STPG2: variants seen among roughly 807,000 people sequenced by gnomAD.
STPG2 encodes sperm-tail PG-rich repeat-containing protein 2.
In STPG2, 56 loss-of-function variants were observed where a neutral mutation model predicts 54.2. The observed-to-expected ratio is 1.03, with a 90% confidence interval of 0.83 to 1.29. STPG2 has a LOEUF of 1.29. STPG2 is among the 50% of genes most tolerant of loss of function. The pLI is 0.00. For missense variants in STPG2, 596 were observed against 544.9 expected (o/e 1.09, Z -0.93); for synonymous variants, 200 against 181.8 (o/e 1.10, Z -0.81).
At chr4:97,858,622 G>C (rs1729406110) in intron 8 of STPG2, among the ~76,000 whole-genome samples, 1 of 152,060 alleles carries the variant, frequency 6.6e-6, no homozygotes, top group South Asian at 2.1e-4. Flanking sequence ...TCATAGCTTA[G>C]CTTCCACTTA....
At chr4:98,018,519 T>C (rs1736050973) in intron 5 of STPG2, among the ~76,000 whole-genome samples, 1 of 152,208 alleles carries the variant, frequency 6.6e-6, no homozygotes, top group African/African-American at 2.4e-5. Context: ...TTATAATCCT[T>C]TGGGTACATA....
At chr4:98,060,141 C>A (rs1440386938) in intron 5 of STPG2, among the ~76,000 whole-genome samples, 2 of 152,190 alleles carry the variant, frequency 1.3e-5, no homozygotes, top group Non-Finnish European at 2.9e-5. Flanking sequence ...TCTTTGTTTG[C>A]AGATGACATA....
chr4:97,621,302 TG>T (rs1467642441), intron 10 of STPG2, among the ~76,000 whole-genome samples: 1 of 151,900 alleles, frequency 6.6e-6, no homozygotes, highest in Non-Finnish European at 1.5e-5. Context: ...AGAACTGAAC[TG>T]AAAGAAATTG....
At chr4:97,615,713 T>C (rs531409215) in intron 10 of STPG2, among the ~76,000 whole-genome samples, 3 of 151,964 alleles carry the variant, frequency 2.0e-5, no homozygotes, top group Non-Finnish European at 4.4e-5. Flanking sequence ...GGTTCATGAA[T>C]TTCATTATAC....
chr4:97,590,001 T>C (rs187123358), intron 10 of STPG2, among the ~76,000 whole-genome samples: 117 of 152,318 alleles, frequency 7.7e-4, no homozygotes, highest in African/African-American at 2.5e-3. Context: ...TTTCTTAGAA[T>C]GTTTGCTCAT....
intron 3 of STPG2, among the ~76,000 whole-genome samples, chr4:98,121,323 T>G (rs1739673166): frequency 6.6e-6 from 1 of 152,176 alleles, no homozygotes. Flanking sequence ...TCAGCTAGTG[T>G]GATGCCTCTA....
At chr4:97,979,152 T>C (rs1462674104) in intron 6 of STPG2, among the ~76,000 whole-genome samples, 2 of 152,194 alleles carry the variant, frequency 1.3e-5, no homozygotes, top group African/African-American at 4.8e-5. Flanking sequence ...ATAAGAATCG[T>C]ATCATCTTGG....
At chr4:97,455,387 G>A (rs1368848889) in intron 4 of STPG2, among the ~76,000 whole-genome samples, 3 of 151,994 alleles carry the variant, frequency 2.0e-5, no homozygotes, top group South Asian at 2.1e-4. Flanking sequence ...TAAAAACCCC[G>A]AGACCCTAGT....
At chr4:97,837,413 C>G (rs1202596953) in intron 9 of STPG2, among the ~76,000 whole-genome samples, 1 of 151,662 alleles carries the variant, frequency 6.6e-6, no homozygotes, top group African/African-American at 2.4e-5. Context: ...ACCCCTGCCC[C>G]CAACCCATGA....
chr4:98,127,158 G>C (rs1416756133), intron 3 of STPG2, among the ~76,000 whole-genome samples: 1 of 151,794 alleles, frequency 6.6e-6, no homozygotes, highest in Non-Finnish European at 1.5e-5. Flanking sequence ...AAAGGGAGAG[G>C]AATGAAGACA....
chr4:98,121,885 C>A (rs1038097287), intron 3 of STPG2, among the ~76,000 whole-genome samples: 1 of 152,218 alleles, frequency 6.6e-6, no homozygotes, highest in South Asian at 2.1e-4. Context: ...CCATGCCAAG[C>A]TAATTTTTGT....
intron 5 of STPG2, among the ~76,000 whole-genome samples, chr4:98,100,823 G>A (rs810700): frequency 0.44 from 67,197 of 151,326 alleles, 15,367 homozygotes; most frequent in Admixed American, 0.56. Flanking sequence ...TTACAGGCAC[G>A]TGCCACCATG....
chr4:97,924,893 A>G (rs1732277358), intron 8 of STPG2, among the ~76,000 whole-genome samples: 1 of 152,196 alleles, frequency 6.6e-6, no homozygotes, highest in South Asian at 2.1e-4. Flanking sequence ...CTACCAAACA[A>G]TGACTTGTTG....
intron 5 of STPG2, among the ~76,000 whole-genome samples, chr4:98,024,635 C>T (rs1162687464): frequency 1.3e-5 from 2 of 152,184 alleles, no homozygotes; most frequent in African/African-American, 2.4e-5. Context: ...AAAGTATCTA[C>T]ACATTTTTGT....
intron 9 of STPG2, among the ~76,000 whole-genome samples, chr4:97,796,313 C>T (rs2149084931): frequency 6.6e-6 from 1 of 152,256 alleles, no homozygotes; most frequent in Admixed American, 6.5e-5. Flanking sequence ...AGGTTTTCTT[C>T]TAGGGTTTTT....
chr4:97,740,983 C>T (rs1319126174), intron 9 of STPG2, among the ~76,000 whole-genome samples: 3 of 152,118 alleles, frequency 2.0e-5, no homozygotes, highest in Admixed American at 2.0e-4. Flanking sequence ...ACTACAGTAA[C>T]CAAAACAGCA....
intron 9 of STPG2, among the ~76,000 whole-genome samples, chr4:97,785,895 G>A (rs260899): frequency 0.58 from 88,410 of 151,648 alleles, 26,336 homozygotes; most frequent in East Asian, 0.74. Flanking sequence ...AATCAGCAGG[G>A]AGAGTAAGGA....
chr4:97,968,072 C>G (rs1431443528), intron 7 of STPG2, among the ~76,000 whole-genome samples: 1 of 152,200 alleles, frequency 6.6e-6, no homozygotes, highest in Admixed American at 6.5e-5. Context: ...AATCCAGGAG[C>G]TGGTTTTTTG....
intron 4 of STPG2, among the ~76,000 whole-genome samples, chr4:97,553,024 C>CT (rs781531263): frequency 1.3e-5 from 2 of 152,156 alleles, no homozygotes; most frequent in Non-Finnish European, 2.9e-5. Context: ...TCCATGGATC[C>CT]TTTTTTCTGA....
Sources: gnomAD v4.1 joint callset for allele counts (sites outside exome capture counted in the v4.1 genomes callset) on GRCh38, gnomAD v4.1.1 for gene constraint, MANE v1.5 for transcripts, NCBI Gene and HGNC (gene_info 2026-07-23, HGNC 2026-07-21) for gene names.